Variants in PALD1 observed in about 807,000 individuals in gnomAD.
The protein encoded by PALD1 is phosphatase domain containing paladin 1, also known as paladin.
A neutral mutation model predicts 96.0 loss-of-function variants in PALD1; 57 were observed. The ratio of observed to expected loss-of-function variants is 0.59; its 90% CI spans 0.48 to 0.74. PALD1 has a LOEUF of 0.74. PALD1 is among the 30% of genes least tolerant of loss of function. The probability of loss-of-function intolerance (pLI) is 0.00; values close to 1 mark genes in which losing one functional copy is unlikely to be tolerated. For missense variants in PALD1, 1,063 were observed against 1,143.7 expected, an observed-to-expected ratio of 0.93 and a Z score of 1.02; for synonymous variants, 464 against 473.6, an observed-to-expected ratio of 0.98 and a Z score of 0.26.
intron 1 of PALD1, among the ~76,000 whole-genome samples, chr10:70,501,832 T>C (rs896106112): frequency 2.9e-4 from 40 of 137,710 alleles, no homozygotes; most frequent in African/African-American, 8.3e-4. Flanking sequence ...TGTGTGTGTG[T>C]GTGCGTGCGT....
intron 18 of PALD1, among the ~76,000 whole-genome samples, chr10:70,550,285 A>ATATTCTAAGCAGC (rs1847455520): frequency 6.6e-6 from 1 of 152,184 alleles, no homozygotes; most frequent in Non-Finnish European, 1.5e-5. Flanking sequence ...CACACAGCCA[A>ATATTCTAAGCAGC]GGCTGAGAGC....
At chr10:70,482,591 T>G (rs763566744) in intron 1 of PALD1, among the ~76,000 whole-genome samples, 1 of 152,092 alleles carries the variant, frequency 6.6e-6, no homozygotes, top group Non-Finnish European at 1.5e-5. Flanking sequence ...CCTTTTCCAC[T>G]CAGGGCTTTT....
At chr10:70,547,984 T>A (rs2132415587) in intron 18 of PALD1, among the ~76,000 whole-genome samples, 1 of 152,144 alleles carries the variant, frequency 6.6e-6, no homozygotes, top group East Asian at 1.9e-4. Flanking sequence ...CTGTAAAAAT[T>A]GTTTTTAAAT....
At chr10:70,491,003 T>C (rs1846088151) in intron 1 of PALD1, among the ~76,000 whole-genome samples, 1 of 152,076 alleles carries the variant, frequency 6.6e-6, no homozygotes, top group Non-Finnish European at 1.5e-5. Context: ...CGCCCAGGCA[T>C]GGTGCGATCT....
rs768635331 is a variant in PALD1, at chr10:70,500,580, T to C, written c.-30+21521T>C. Among the ~76,000 whole-genome samples, 75 of 152,180 alleles carry C rather than the reference T, an allele frequency of 4.9e-4. 1 individual carries two copies. Among genetic ancestry groups the C allele is most frequent in the Non-Finnish European group, 1.2e-4 (8 of 68,028 alleles). Reference sequence around the variant, plus strand: ...TATCAAATGTTGCTCATCCTTTAAGTCCCAGCTCTGTTCCTTTTTCGGGAA... The same window carrying C: ...TATCAAATGTTGCTCATCCTTTAAGCCCCAGCTCTGTTCCTTTTTCGGGAA... On this transcript the variant is annotated intron_variant, in intron 1 of 19. Coordinates refer to ENST00000263563, the MANE Select transcript of PALD1 (RefSeq NM_014431.3).
At position 70,478,772 on chromosome 10, in the gene PALD1, T is replaced by TGGGTAGCGGGGCGCTGGG. The variant is rs1382449997; in HGVS notation, c.-315_-298dup. ...CCGGGTCGGGTCCGCCCCTCGGCGT[T>TGGGTAGCGGGGCGCTGGG]GGGTAGCGGGGCGCTGGGGAGCAGC... On this transcript the variant is annotated 5_prime_UTR_variant, in exon 1 of 20. Transcript: ENST00000263563. 5 of 151,114 alleles carry TGGGTAGCGGGGCGCTGGG rather than the reference T, an allele frequency of 3.3e-5. No homozygotes were observed. The highest frequency in any genetic ancestry group is 6.6e-5 in the Admixed American group (1 of 15,190). 9.4% of individuals were successfully genotyped at this position (151,114 alleles called of 1,614,324 possible).
chr10:70,505,551 C>T (rs1846369841), intron 1 of PALD1, among the ~76,000 whole-genome samples: 1 of 152,006 alleles, frequency 6.6e-6, no homozygotes. Context: ...TTGCCGTGAG[C>T]CGAGATCACG....
intron 18 of PALD1, among the ~76,000 whole-genome samples, chr10:70,554,929 TCCTC>T (rs1564710361): frequency 1.6e-3 from 7 of 4,260 alleles, no homozygotes; most frequent in Non-Finnish European, 2.7e-3. Context: ...CCCCTCCCCC[TCCTC>T]CCCCTCCCCT....
Position 70,539,018 on chromosome 10 carries a change from C to T in PALD1, c.1569+10C>T, listed in dbSNP as rs1006120463. 6.2e-7 allele frequency: 1 copy of T among 1,613,584 alleles called. No homozygotes were observed. The stretch of plus-strand genomic sequence containing the variant: ...CCAGCCCAGCGCCAAGGTGACCGGC[C>T]CTCAGGGCCTGGGTCCCCCAGTGGG... On this transcript the variant is annotated intron_variant, in intron 13 of 19. Coordinates refer to ENST00000263563, the MANE Select transcript of PALD1 (RefSeq NM_014431.3). The surrounding 1 kb of genome is among the most constrained non-coding windows in gnomAD (Gnocchi z 4.5).
chr10:70,539,766 AG>A lies in PALD1; in HGVS notation c.1908+7del, dbSNP rs1469511640. 6 of 1,591,464 alleles carry A rather than the reference AG, an allele frequency of 3.8e-6. No individual in the cohort carries two copies. Among genetic ancestry groups the A allele is most frequent in the Non-Finnish European group, 5.1e-6 (6 of 1,168,984 alleles). On this transcript the variant is annotated splice_donor_5th_base_variant and intron_variant, in intron 15 of 19. Coordinates refer to ENST00000263563, the MANE Select transcript of PALD1 (RefSeq NM_014431.3). The surrounding 1 kb of genome is among the most constrained non-coding windows in gnomAD (Gnocchi z 4.5). ...CTTCTGTGCCCCCCGAGAGGAGGTGAGGGTGCTGCTCAGGCTGAGGCCTCTG... is the reference window on the plus strand; with the variant it reads ...CTTCTGTGCCCCCCGAGAGGAGGTGAGGTGCTGCTCAGGCTGAGGCCTCTG...
At chr10:70,514,224 G>T (rs1027563759) in intron 1 of PALD1, among the ~76,000 whole-genome samples, 19 of 152,204 alleles carry the variant, frequency 1.2e-4, no homozygotes, top group African/African-American at 4.6e-4. Flanking sequence ...CTTCCTGCCA[G>T]GACTTGGCGC....
At chr10:70,461,766 C>A in the PALD1 span, among the ~76,000 whole-genome samples, 1 of 152,256 alleles carries the variant, frequency 6.6e-6, no homozygotes, top group Admixed American at 6.5e-5. Context: ...AGATTTACGA[C>A]TTGGCATTGT....
chr10:70,558,719 AAAG>A (rs1056219872), intron 18 of PALD1, among the ~76,000 whole-genome samples: 54 of 151,586 alleles, frequency 3.6e-4, no homozygotes, highest in African/African-American at 1.2e-3. Context: ...TCTTCTTACT[AAAG>A]AAGGTACAGA....
intron 1 of PALD1, among the ~76,000 whole-genome samples, chr10:70,488,026 C>A (rs1218143122): frequency 6.6e-6 from 1 of 152,180 alleles, no homozygotes; most frequent in Non-Finnish European, 1.5e-5. Context: ...TTTTGAGATT[C>A]ATCTCTGTTA....
Position 70,535,485 on chromosome 10 carries a change from C to G in PALD1, c.1227+642C>G, listed in dbSNP as rs369974114. Among the ~76,000 whole-genome samples, 3 of 123,762 alleles carry G rather than the reference C, an allele frequency of 2.4e-5. No homozygotes were observed. In the Admixed American group the frequency reaches 2.6e-4, roughly 11 times the overall value. 81.2% of individuals were successfully genotyped at this position (123,762 alleles called of 152,430 possible). A position where few individuals can be genotyped will look rare whatever the true frequency, so the allele number is the denominator to read the frequency against. On this transcript the variant is annotated intron_variant, in intron 10 of 19. Transcript: ENST00000263563. ...CTCTTCCCCACTTTTCCTCCTCTCC[C>G]CTTCCTTCTCCCTCTCTTCCTCTTT...
At chr10:70,564,305 T>G in intron 18 of PALD1, 59 bp from the exon 19 acceptor site, 2 of 1,529,380 alleles carry the variant, frequency 1.3e-6, no homozygotes, top group Non-Finnish European at 1.8e-6. Flanking sequence ...GGGTGGCATG[T>G]TTGTGTGTTG....
the PALD1 span, among the ~76,000 whole-genome samples, chr10:70,466,273 T>G: frequency 6.6e-6 from 1 of 151,496 alleles, no homozygotes; most frequent in Non-Finnish European, 1.5e-5. Context: ...TGAGACAGAG[T>G]CTCACTCTGT....
intron 18 of PALD1, among the ~76,000 whole-genome samples, chr10:70,561,563 C>G (rs1847738386): frequency 6.6e-6 from 1 of 152,144 alleles, no homozygotes; most frequent in Non-Finnish European, 1.5e-5. Flanking sequence ...TGTTCACTCC[C>G]CAGTCTCTAA....
At chr10:70,538,258 G>GTC (rs1248022213) in intron 11 of PALD1, 22 bp from the exon 12 acceptor site, 12 of 1,599,276 alleles carry the variant, frequency 7.5e-6, no homozygotes, top group Admixed American at 6.7e-5. Context: ...TGAATTCCTC[G>GTC]TCTCTCTGCC....
Sources: gnomAD v4.1 joint callset for allele counts (sites outside exome capture counted in the v4.1 genomes callset) on GRCh38, gnomAD v4.1.1 for gene constraint, Gnocchi (gnomAD v3.1) non-coding constraint, MANE v1.5 for transcripts, NCBI Gene and HGNC (gene_info 2026-07-23, HGNC 2026-07-21) for gene names.